LRPAP1: variants seen among roughly 807,000 people sequenced by gnomAD.
The protein encoded by LRPAP1 is alpha-2-macroglobulin receptor-associated protein.
LRPAP1 carries 41 observed loss-of-function variants against 39.9 expected under a neutral mutation model. That is an observed-to-expected ratio of 1.03 (90% CI 0.80 to 1.33). The LOEUF is 1.33. LRPAP1 is among the 40% of genes most tolerant of loss of function. LRPAP1 has a pLI of 0.00. For missense variants in LRPAP1, 565 were observed against 482.3 expected (o/e 1.17, Z -1.61); for synonymous variants, 263 against 212.7 (o/e 1.24, Z -2.06).
intron 1 of LRPAP1, among the ~76,000 whole-genome samples, chr4:3,529,221 G>A (rs1490108097): frequency 6.6e-6 from 1 of 152,082 alleles, no homozygotes; most frequent in Non-Finnish European, 1.5e-5. Context: ...TACTCAGGAG[G>A]CTGAGGCACG....
In LRPAP1 at chr4:3,512,716, G is replaced by A; in HGVS notation, c.*258C>T. The A allele has an allele frequency of 2.0e-6, 1 of 511,468 alleles. No individual in the cohort carries two copies. Among genetic ancestry groups the A allele is most frequent in the Non-Finnish European group, 3.5e-6 (1 of 287,256 alleles). 31.7% of individuals were successfully genotyped at this position (511,468 alleles called of 1,614,324 possible). A position where few individuals can be genotyped will look rare whatever the true frequency, so the allele number is the denominator to read the frequency against. ...GGACATCGAGGTCCTCACTGGGGTG[G>A]TGACTGCCACGCTGATGCTGAGTGG... On this transcript the variant is annotated 3_prime_UTR_variant, in exon 8 of 8. Transcript: ENST00000650182.
rs77081441 is a variant in LRPAP1 at position 3,507,674 on chromosome 4, G to C, written c.*5300C>G. On this transcript the variant is annotated 3_prime_UTR_variant, in exon 8 of 8. Coordinates refer to ENST00000650182, the MANE Select transcript of LRPAP1 (RefSeq NM_002337.4). The stretch of plus-strand genomic sequence containing the variant: ...CCTCTATCAAAAGAACCTAAAACAA[G>C]GACAGCAAATTGAACACAAAATAGG... 1 of 151,404 alleles carries C rather than the reference G, an allele frequency of 6.6e-6. No homozygotes were observed. Among genetic ancestry groups the C allele is most frequent in the East Asian group, 1.9e-4 (1 of 5,180 alleles). 9.4% of individuals were successfully genotyped at this position (151,404 alleles called of 1,614,324 possible). A position where few individuals can be genotyped will look rare whatever the true frequency, so the allele number is the denominator to read the frequency against.
rs770124186 is a variant in LRPAP1, at chr4:3,510,767, G to A, written c.*2207C>T. The A allele has an allele frequency of 2.6e-5, 4 of 152,404 alleles. No homozygotes were observed. The highest frequency in any genetic ancestry group is 1.9e-4 in the East Asian group (1 of 5,186). The allele number at this position is 152,404 out of a possible 1,614,324, so 9.4% of individuals were successfully genotyped here. ...CAGATACACGCAGACATACACAGAC[G>A]CACGCAAAGACACAGACTGCCCAGA... On this transcript the variant is annotated 3_prime_UTR_variant, in exon 8 of 8. Coordinates refer to ENST00000650182, the MANE Select transcript of LRPAP1 (RefSeq NM_002337.4).
At chr4:3,517,068 A>G (rs1404943060) in intron 5 of LRPAP1, among the ~76,000 whole-genome samples, 1 of 152,212 alleles carries the variant, frequency 6.6e-6, no homozygotes, top group African/African-American at 2.4e-5. Flanking sequence ...ACTGCATCGC[A>G]GGCCTACAAG....
chr4:3,518,848 G>A (rs1334987758), intron 4 of LRPAP1, 23 bp downstream of exon 4: 8 of 1,498,028 alleles, frequency 5.3e-6, no homozygotes, highest in Admixed American at 2.0e-5. Flanking sequence ...CAGAGGGCAG[G>A]AGGGGGTGGG....
Position 3,532,381 on chromosome 4 carries a change from C to T in LRPAP1, c.32G>A (p.Arg11His), listed in dbSNP as rs1322336731. 5 of 1,591,300 alleles carry T rather than the reference C, an allele frequency of 3.1e-6. No individual in the cohort carries two copies. In the South Asian group the frequency reaches 5.7e-5, roughly 18 times the overall value. The change falls in exon 1 of 8, where the codon CGC (arginine) becomes CAC (histidine). Residue 11 changes from arginine to histidine, a missense_variant. Physicochemically the swap from Arg to His is conservative, Grantham distance 29. Transcript: ENST00000650182. ...CAGCAGTAGCAGCGCCGGGAGCCCGCGCAGAAACGACCTGACCCTCCGCGG... is the reference window on the plus strand; with the variant it reads ...CAGCAGTAGCAGCGCCGGGAGCCCGTGCAGAAACGACCTGACCCTCCGCGG... MAPRRVRSFL[R>H]GLPALLLLLL...
chr4:3,532,326 C>T lies in LRPAP1; in HGVS notation c.87G>A (p.Ala29=). The T allele has an allele frequency of 3.8e-6, 6 of 1,585,870 alleles. No individual in the cohort carries two copies. The highest frequency in any genetic ancestry group is 5.1e-6 in the Non-Finnish European group (6 of 1,166,118). Residue 29 remains alanine, a synonymous_variant, in exon 1 of 8, where the codon GCG becomes GCA. Coordinates refer to ENST00000650182, the MANE Select transcript of LRPAP1 (RefSeq NM_002337.4). ...LLLFLGPWPA[A]SHGGKYSREK... is the part of the protein sequence containing the mutation. ...CCCGCGAGTACTTGCCGCCGTGGCTCGCAGCGGGCCAGGGCCCGAGGAAGA... is the reference window on the plus strand; with the variant it reads ...CCCGCGAGTACTTGCCGCCGTGGCTTGCAGCGGGCCAGGGCCCGAGGAAGA...
At chr4:3,515,734 C>A (rs1051659946) in intron 6 of LRPAP1, 34 of 266,020 alleles carry the variant, frequency 1.3e-4, no homozygotes, top group Non-Finnish European at 2.1e-4. Flanking sequence ...GGTCTCCTTC[C>A]CTCCCTGGGC....
intron 2 of LRPAP1, 43 bp downstream of exon 2, chr4:3,524,864 G>C (rs561358406): frequency 6.2e-7 from 1 of 1,603,526 alleles, no homozygotes; most frequent in Non-Finnish European, 8.5e-7. Flanking sequence ...AAGCATTTAG[G>C]AAGAGGGATA....
intron 1 of LRPAP1, among the ~76,000 whole-genome samples, chr4:3,529,509 G>C (rs1178000914): frequency 1.3e-5 from 2 of 152,162 alleles, no homozygotes; most frequent in African/African-American, 4.8e-5. Flanking sequence ...TGAAGAGGCA[G>C]AGTCCTCAGA....
At chr4:3,531,661 G>A (rs1730259792) in intron 1 of LRPAP1, among the ~76,000 whole-genome samples, 1 of 152,166 alleles carries the variant, frequency 6.6e-6, no homozygotes, top group African/African-American at 2.4e-5. Context: ...TCAGGTGAGC[G>A]CCCTGTTAAG....
chr4:3,518,827 AG>A (rs1392864252), intron 4 of LRPAP1, 43 bp downstream of exon 4: 2 of 747,360 alleles, frequency 2.7e-6, no homozygotes, highest in East Asian at 8.8e-5. Flanking sequence ...GGGGGGCAGG[AG>A]GGGGTGGGGC....
At chr4:3,514,386 C>A (rs1729626643) in intron 7 of LRPAP1, among the ~76,000 whole-genome samples, 1 of 152,076 alleles carries the variant, frequency 6.6e-6, no homozygotes, top group South Asian at 2.1e-4. Flanking sequence ...CCTCACATCC[C>A]AGGGGCTGTG....
rs1729783580 is a variant in LRPAP1 at position 3,518,169 on chromosome 4, G to A, written c.616C>T (p.Pro206Ser). The change falls in exon 5 of 8, where the codon CCC becomes TCC. Residue 206 changes from proline to serine, a missense_variant. Physicochemically the swap from Pro to Ser is moderately conservative, Grantham distance 74 (BLOSUM62 -1). Transcript: ENST00000650182. Reference sequence around the variant, plus strand: ...CCCTTGATGTCGCTCAGGTCCGAGGGGCTAATGACGTTCTCGTGGATTTCT... The same window carrying A: ...CCCTTGATGTCGCTCAGGTCCGAGGAGCTAATGACGTTCTCGTGGATTTCT... ...TEEIHENVIS[P>S]SDLSDIKGSV... is the part of the protein sequence containing the mutation. 1 of 1,611,140 alleles carries A rather than the reference G, an allele frequency of 6.2e-7. No homozygotes were observed. Among genetic ancestry groups the A allele is most frequent in the Non-Finnish European group, 8.5e-7 (1 of 1,178,446 alleles).
At position 3,518,861 on chromosome 4, in the gene LRPAP1, CG is replaced by C. The variant is rs1729816148; in HGVS notation, c.592+9del. On this transcript the variant is annotated intron_variant, in intron 4 of 7. Coordinates refer to ENST00000650182, the MANE Select transcript of LRPAP1 (RefSeq NM_002337.4). ...GGCAGAGGGCAGGAGGGGGTGGGGG[CG>C]GGGGGCACCTTCGGTCCTGCTCAGG... 4 of 1,054,150 alleles carry C rather than the reference CG, an allele frequency of 3.8e-6. No individual in the cohort carries two copies. Among genetic ancestry groups the C allele is most frequent in the East Asian group, 6.8e-5 (1 of 14,634 alleles). The allele number at this position is 1,054,150 out of a possible 1,614,324, so 65.3% of individuals were successfully genotyped here. A position where few individuals can be genotyped will look rare whatever the true frequency, so the allele number is the denominator to read the frequency against.
In LRPAP1 at chr4:3,518,122, G is replaced by A. The variant is rs769215112; in HGVS notation, c.663C>T (p.His221=). 1.2e-6 allele frequency: 2 copies of A among 1,613,490 alleles called. No individual in the cohort carries two copies. Among genetic ancestry groups the A allele is most frequent in the African/African-American group, 1.3e-5 (1 of 74,930 alleles). ...DIKGSVLHSR[H]TELKEKLRSI... ...TGCGCAGCTTCTCCTTCAGCTCCGT[G>A]TGCCTGCTGTGCAGGACGCTGCCCT... is the stretch of plus-strand genomic sequence containing the variant. Residue 221 remains histidine (H), a synonymous_variant, in exon 5 of 8, where the codon CAC becomes CAT. Transcript: ENST00000650182.
chr4:3,525,793 C>T (rs538501269), intron 1 of LRPAP1, among the ~76,000 whole-genome samples: 12 of 152,344 alleles, frequency 7.9e-5, no homozygotes, highest in African/African-American at 2.2e-4. Context: ...GTGAGGTGAC[C>T]GCTGGGCACA....
At chr4:3,520,947 C>A (rs767015154) in intron 2 of LRPAP1, among the ~76,000 whole-genome samples, 3 of 152,202 alleles carry the variant, frequency 2.0e-5, no homozygotes, top group Admixed American at 2.0e-4. Context: ...TGAAAGCAGG[C>A]GCTCGACGCG....
At position 3,514,797 on chromosome 4, in the gene LRPAP1, C is replaced by T. The variant is rs762657824; in HGVS notation, c.966G>A (p.Glu322=). Residue 322 remains glutamate, a synonymous_variant, in exon 7 of 8, where the codon GAG becomes GAA. Coordinates refer to ENST00000650182, the MANE Select transcript of LRPAP1 (RefSeq NM_002337.4). Reference sequence around the variant, plus strand: ...TCCGCCCCTCCAGCAGGGCGTGCTTCTCGCGGCTGCGGCTCACACGCTCGC... The same window carrying T: ...TCCGCCCCTCCAGCAGGGCGTGCTTTTCGCGGCTGCGGCTCACACGCTCGC... ...GDGERVSRSR[E]KHALLEGRTK... 4.3e-6 allele frequency: 7 copies of T among 1,612,886 alleles called. No homozygotes were observed. In the Admixed American group the frequency reaches 1.2e-4, roughly 27 times the overall value.
Sources: allele counts gnomAD v4.1 joint callset (sites outside exome capture counted in the v4.1 genomes callset), GRCh38; gene constraint gnomAD v4.1.1; transcripts MANE v1.5; gene names NCBI Gene and HGNC (gene_info 2026-07-23, HGNC 2026-07-21).